ZSCAN5B: variants seen among roughly 807,000 people sequenced by gnomAD.
ZSCAN5B encodes zinc finger and SCAN domain-containing protein 5B.
Under a neutral mutation model 25.2 loss-of-function variants are expected in ZSCAN5B, and 26 were observed. That is an observed-to-expected ratio of 1.03 (90% confidence interval 0.76 to 1.43). The LOEUF is 1.43. Among genes scored for constraint, ZSCAN5B ranks in the 40% most tolerant of loss-of-function variants. The pLI is 0.00. For synonymous variants in ZSCAN5B, 244 were observed against 240.9 expected (o/e 1.01, Z -0.12); for missense variants, 745 against 622.1 (o/e 1.20, Z -2.10).
At chr19:56,192,315 A>G (rs1284939697) in intron 2 of ZSCAN5B, among the ~76,000 whole-genome samples, 4 of 152,158 alleles carry the variant, frequency 2.6e-5, no homozygotes, top group Admixed American at 2.6e-4. Context: ...ATCCAACTCA[A>G]TTGGCCAATG....
At chr19:56,196,409 G>T (rs146628524) in intron 1 of ZSCAN5B, among the ~76,000 whole-genome samples, 1 of 152,220 alleles carries the variant, frequency 6.6e-6, no homozygotes, top group Non-Finnish European at 1.5e-5. Flanking sequence ...CTACTGCACA[G>T]CATGGTGACT....
At chr19:56,196,902 G>A (rs183249060) in intron 1 of ZSCAN5B, among the ~76,000 whole-genome samples, 2 of 152,202 alleles carry the variant, frequency 1.3e-5, no homozygotes, top group Admixed American at 1.3e-4. Context: ...CGGAGATCGA[G>A]GCTGAGGCGG....
At chr19:56,197,226 G>C (rs1258790028) in intron 1 of ZSCAN5B, among the ~76,000 whole-genome samples, 1 of 150,802 alleles carries the variant, frequency 6.6e-6, no homozygotes, top group African/African-American at 2.4e-5. Context: ...AGGCTGGAGT[G>C]CAATGGCGCG....
exon 3 of ZSCAN5B, chr19:56,191,957 C>G (rs745673351): frequency 6.2e-7 from 1 of 1,614,054 alleles, no homozygotes; most frequent in Admixed American, 1.7e-5. Flanking sequence ...TGGCTGGACA[C>G]GTCTCTCGGA....
chr19:56,191,045 C>T, intron 3 of ZSCAN5B, 58 bp from the exon 4 acceptor site: 1 of 1,610,136 alleles, frequency 6.2e-7, no homozygotes, highest in Non-Finnish European at 8.5e-7. Flanking sequence ...GAAGTAGGGA[C>T]ATGTCTGTCC....
At chr19:56,192,970 G>C (rs778377838) in exon 2 of ZSCAN5B, 3 of 1,610,672 alleles carry the variant, frequency 1.9e-6, no homozygotes, top group Non-Finnish European at 2.5e-6. Context: ...AGTTTCTGGG[G>C]ACGCCACAGA....
chr19:56,193,197 G>A lies in ZSCAN5B; in HGVS notation c.-127-18C>T, dbSNP rs1404413147. The A allele has an allele frequency of 2.0e-6, 2 of 997,134 alleles. No homozygotes were observed. Among genetic ancestry groups the A allele is most frequent in the Admixed American group, 3.0e-5 (1 of 33,512 alleles). The allele number at this position is 997,134 out of a possible 1,614,324, so 61.8% of individuals were successfully genotyped here. On this transcript the variant is annotated intron_variant, in intron 1 of 4. Transcript: ENST00000586855. ...TCAGAAGTCTGCAGGAAAAAAGCAT[G>A]AGCCCGATTATTTTAACTTTCTACT...
chr19:56,189,939 C>T (rs775303355), exon 5 of ZSCAN5B: 20 of 1,613,854 alleles, frequency 1.2e-5, no homozygotes, highest in African/African-American at 1.1e-4. Context: ...GGAGTGGGTG[C>T]GCTGGTGAAC....
At chr19:56,193,153 T>C (rs2032763988) in exon 2 of ZSCAN5B, 1 of 1,327,498 alleles carries the variant, frequency 7.5e-7, no homozygotes, top group South Asian at 1.6e-5. Context: ...TTCTTCTCAG[T>C]AATATATTCA....
Position 56,190,298 on chromosome 19 carries a change from G to GC in ZSCAN5B, c.1016dup (p.Val341GlyfsTer18), listed in dbSNP as rs1199760401. On this transcript the variant is annotated frameshift_variant, in exon 5 of 5. Transcript: ENST00000586855. LOFTEE classifies it low-confidence loss of function (END_TRUNC). ...CTTGGCCATCTGGGTGACTGACCGG[G>GC]CCCGCAGGGCCTGGGGAATGAACTG... The GC allele has an allele frequency of 6.2e-7, 1 of 1,614,084 alleles. No homozygotes were observed. Among genetic ancestry groups the GC allele is most frequent in the East Asian group, 2.2e-5 (1 of 44,890 alleles).
intron 1 of ZSCAN5B, among the ~76,000 whole-genome samples, chr19:56,196,712 G>A (rs1369311055): frequency 6.6e-6 from 1 of 152,220 alleles, no homozygotes; most frequent in Non-Finnish European, 1.5e-5. Context: ...GCAGTGAACC[G>A]CGATTGTGCC....
At position 56,190,385 on chromosome 19, in the gene ZSCAN5B, C is replaced by A. The variant is rs138952005; in HGVS notation, c.930G>T (p.Glu310Asp). 3,819 of 1,614,046 alleles carry A rather than the reference C, an allele frequency of 2.4e-3. 69 individuals are homozygous for A. The African/African-American group carries it at 0.039, about 17-fold the overall frequency. ...CCACAGGTGTGGCTTCTCCTTGAGG[C>A]TCTTCTTGGGAAATGGAGGAGGCAT... is the stretch of plus-strand genomic sequence containing the variant. Residue 310 changes from glutamate to aspartate, a missense_variant, in exon 5 of 5, where the codon GAG becomes GAT. Glu to Asp is a conservative substitution (Grantham distance 45). Transcript: ENST00000586855.
At chr19:56,190,077 C>A (rs752766741) in exon 5 of ZSCAN5B, 12 of 1,614,036 alleles carry the variant, frequency 7.4e-6, no homozygotes, top group Non-Finnish European at 1.0e-5. Flanking sequence ...GCAGACGTCA[C>A]ACATGTAGGG....
chr19:56,194,582 C>T (rs1167611534), intron 1 of ZSCAN5B, among the ~76,000 whole-genome samples: 1 of 152,100 alleles, frequency 6.6e-6, no homozygotes, highest in Non-Finnish European at 1.5e-5. Context: ...GGCGTGATTG[C>T]ATTGCAGCTG....
exon 5 of ZSCAN5B, chr19:56,190,039 A>C: frequency 6.2e-7 from 1 of 1,613,084 alleles, no homozygotes; most frequent in Non-Finnish European, 8.5e-7. Context: ...TGGCCCTGTA[A>C]GGTGGACTCG....
At chr19:56,190,839 G>T in exon 4 of ZSCAN5B, 1 of 1,613,796 alleles carries the variant, frequency 6.2e-7, no homozygotes, top group Non-Finnish European at 8.5e-7. Flanking sequence ...ATACTCACTG[G>T]GACTCTTTGG....
intron 2 of ZSCAN5B, 67 bp from the exon 3 acceptor site, chr19:56,192,120 C>T (rs1479531430): frequency 1.4e-6 from 2 of 1,405,068 alleles, no homozygotes; most frequent in Non-Finnish European, 2.0e-6. Flanking sequence ...TTTCCTGGGT[C>T]CTGCCATAAT....
intron 1 of ZSCAN5B, among the ~76,000 whole-genome samples, chr19:56,193,855 G>A (rs1013175568): frequency 1.3e-5 from 2 of 151,814 alleles, no homozygotes; most frequent in Admixed American, 6.6e-5. Flanking sequence ...CCAGCTACTC[G>A]GGAGGCTGAG....
chr19:56,192,531 T>G (rs1316107150), intron 2 of ZSCAN5B, 138 bp downstream of exon 2: 2 of 1,425,492 alleles, frequency 1.4e-6, no homozygotes, highest in Non-Finnish European at 1.9e-6. Flanking sequence ...AGTGTGTGGG[T>G]TCCTGTATCC....
Sources: allele counts gnomAD v4.1 joint callset (sites outside exome capture counted in the v4.1 genomes callset), GRCh38; gene constraint gnomAD v4.1.1; transcripts MANE v1.5; gene names NCBI Gene and HGNC (gene_info 2026-07-23, HGNC 2026-07-21).